PKIG: variants seen among roughly 807,000 people sequenced by gnomAD.
The protein encoded by PKIG is cAMP-dependent protein kinase inhibitor gamma, also known as protein kinase (cAMP-dependent, catalytic) inhibitor gamma.
In PKIG, 1 loss-of-function variant was observed where a neutral mutation model predicts 6.8. The observed-to-expected ratio is 0.15, with a 90% CI of 0.05 to 0.69. The LOEUF (loss-of-function observed/expected upper bound fraction) is 0.69. PKIG is among the 30% of genes least tolerant of loss of function. The probability of loss-of-function intolerance (pLI) is 0.82; values close to 1 mark genes in which losing one functional copy is unlikely to be tolerated. For missense variants in PKIG, 77 were observed against 104.0 expected (o/e 0.74, Z 1.13); for synonymous variants, 39 against 43.0 (o/e 0.91, Z 0.36).
chr20:44,597,463 A>G (rs998048610), intron 2 of PKIG, among the ~76,000 whole-genome samples: 1 of 152,218 alleles, frequency 6.6e-6, no homozygotes, highest in Non-Finnish European at 1.5e-5. Flanking sequence ...CAAGCCTAGT[A>G]TACACTGAGG....
chr20:44,573,593 A>T (rs927225361), intron 1 of PKIG, among the ~76,000 whole-genome samples: 2 of 152,224 alleles, frequency 1.3e-5, no homozygotes, highest in South Asian at 4.1e-4. Flanking sequence ...GCAAAGGAGA[A>T]GTAGGGTAAT....
intron 2 of PKIG, among the ~76,000 whole-genome samples, chr20:44,596,042 A>T (rs1822557985): frequency 6.6e-6 from 1 of 152,184 alleles, no homozygotes; most frequent in South Asian, 2.1e-4. Flanking sequence ...GCCAGGAATC[A>T]GATGGTTATT....
chr20:44,585,276 AGT>A (rs2064980837), intron 1 of PKIG: 1 of 152,388 alleles, frequency 6.6e-6, no homozygotes, highest in South Asian at 2.1e-4. Context: ...TCCTGTTATC[AGT>A]GTGTGTTTGC....
At chr20:44,559,995 G>A (rs1175095301) in intron 1 of PKIG, among the ~76,000 whole-genome samples, 1 of 151,328 alleles carries the variant, frequency 6.6e-6, no homozygotes, top group Non-Finnish European at 1.5e-5. Flanking sequence ...TTGAGCTCAT[G>A]AGTTCCAGAC....
At chr20:44,542,331 G>A (rs2064569775) in intron 1 of PKIG, among the ~76,000 whole-genome samples, 1 of 152,000 alleles carries the variant, frequency 6.6e-6, no homozygotes, top group African/African-American at 2.4e-5. Flanking sequence ...CTTAATGAAT[G>A]TGAGTTATCT....
At chr20:44,616,640 A>C (rs1347749326) in intron 3 of PKIG, among the ~76,000 whole-genome samples, 2 of 152,152 alleles carry the variant, frequency 1.3e-5, no homozygotes, top group African/African-American at 4.8e-5. Context: ...ACTGACATTT[A>C]AAAAGGGGGC....
At chr20:44,576,447 G>T (rs1217505812) in intron 1 of PKIG, among the ~76,000 whole-genome samples, 1 of 152,060 alleles carries the variant, frequency 6.6e-6, no homozygotes, top group Non-Finnish European at 1.5e-5. Flanking sequence ...CTAGGGAAGT[G>T]ATATTTAATC....
chr20:44,615,588 C>T (rs781091641), intron 3 of PKIG, among the ~76,000 whole-genome samples: 12 of 152,032 alleles, frequency 7.9e-5, no homozygotes, highest in Non-Finnish European at 1.5e-4. Flanking sequence ...GGGAAGCTTC[C>T]CTGACCCCTG....
chr20:44,556,398 T>C (rs1483513525), intron 1 of PKIG, among the ~76,000 whole-genome samples: 1 of 152,202 alleles, frequency 6.6e-6, no homozygotes, highest in Non-Finnish European at 1.5e-5. Flanking sequence ...AGTCTGGTTC[T>C]GTCACCCAGG....
rs1452861761 is a variant in PKIG at position 44,575,884 on chromosome 20, C to T, written c.-240-6701C>T. 1.2e-4 allele frequency among the ~76,000 whole-genome samples: 18 copies of T among 152,148 alleles called. 1 individual carries two copies. Among genetic ancestry groups the T allele is most frequent in the Admixed American group, 1.1e-3 (17 of 15,280 alleles). On this transcript the variant is annotated intron_variant, in intron 1 of 4. Coordinates refer to the PKIG transcript ENST00000372887. The stretch of plus-strand genomic sequence containing the variant: ...TTTTGGCCCTTCTGAATCTTCTCGA[C>T]GCCTGCTGTCTTCAGGTTCAGAGCC...
intron 2 of PKIG, among the ~76,000 whole-genome samples, chr20:44,597,074 T>A (rs1005372520): frequency 6.6e-6 from 1 of 152,068 alleles, no homozygotes; most frequent in Non-Finnish European, 1.5e-5. Context: ...GTTTCTAAAC[T>A]CCTCTCTCTC....
intron 2 of PKIG, among the ~76,000 whole-genome samples, chr20:44,591,778 C>T (rs1209345786): frequency 6.6e-6 from 1 of 152,146 alleles, no homozygotes; most frequent in African/African-American, 2.4e-5. Context: ...CTTAAAATAT[C>T]ATGGATATTT....
chr20:44,603,374 A>G (rs2065138096), intron 2 of PKIG, among the ~76,000 whole-genome samples: 1 of 152,134 alleles, frequency 6.6e-6, no homozygotes, highest in African/African-American at 2.4e-5. Context: ...AATCTTCATA[A>G]CAGCCCCCTG....
chr20:44,539,050 A>T (rs3092249), intron 1 of PKIG, among the ~76,000 whole-genome samples: 36,506 of 151,718 alleles, frequency 0.24, 5,900 homozygotes, highest in African/African-American at 0.46. Flanking sequence ...TGCTTCAGCC[A>T]CCTGAGAAGC....
intron 1 of PKIG, among the ~76,000 whole-genome samples, chr20:44,589,049 A>G (rs1275800125): frequency 2.0e-5 from 3 of 152,210 alleles, no homozygotes; most frequent in Non-Finnish European, 2.9e-5. Flanking sequence ...CCCAGGGGGA[A>G]CCATTGGTTA....
Position 44,536,960 on chromosome 20 carries a change from C to T in PKIG, c.-241+4982C>T, listed in dbSNP as rs142448097. Among the ~76,000 whole-genome samples, 793 of 152,218 alleles carry T rather than the reference C, an allele frequency of 5.2e-3. 9 individuals carry two copies. Among genetic ancestry groups the T allele is most frequent in the African/African-American group, 0.018 (756 of 41,532 alleles). On this transcript the variant is annotated intron_variant, in intron 1 of 4. Coordinates refer to the PKIG transcript ENST00000372887. ...GTGTGTGTTTTTTGAGACGGAGTCT[C>T]GCTCTGTTGTGCAGGCTGGAGTGCA...
rs2065293403 is a variant in PKIG at position 44,618,632 on chromosome 20, G to A, written c.*268G>A. 1 of 384,462 alleles carries A rather than the reference G, an allele frequency of 2.6e-6. No individual in the cohort carries two copies. Among genetic ancestry groups the A allele is most frequent in the South Asian group, 2.4e-5 (1 of 41,786 alleles). 23.8% of individuals were successfully genotyped at this position (384,462 alleles called of 1,614,324 possible). A position where few individuals can be genotyped will look rare whatever the true frequency, so the allele number is the denominator to read the frequency against. The stretch of plus-strand genomic sequence containing the variant: ...ACCACAAGATGTTATTTATTGAGCT[G>A]GCGCCGGGACTTGGGCGGGGCCTGC... On this transcript the variant is annotated 3_prime_UTR_variant, in exon 4 of 4. Transcript: ENST00000372886.
intron 1 of PKIG, among the ~76,000 whole-genome samples, chr20:44,571,224 A>AAATAATAATAATAATAAT (rs140802204): frequency 1.4e-3 from 216 of 150,192 alleles, no homozygotes; most frequent in African/African-American, 4.1e-3. Flanking sequence ...AGAGAGACTC[A>AAATAATAATAATAATAAT]AATAATAATA....
chr20:44,558,587 T>TTTCTTTCC (rs2064737626), intron 1 of PKIG, among the ~76,000 whole-genome samples: 1 of 149,330 alleles, frequency 6.7e-6, no homozygotes, highest in South Asian at 2.1e-4. Context: ...TCTTTCTTTC[T>TTTCTTTCC]TTCTTTCTTT....
Sources: allele counts gnomAD v4.1 joint callset (sites outside exome capture counted in the v4.1 genomes callset), GRCh38; gene constraint gnomAD v4.1.1; transcripts MANE v1.5; gene names NCBI Gene and HGNC (gene_info 2026-07-23, HGNC 2026-07-21).